The following ACLY variants were observed in gnomAD, a reference collection of about 807,000 sequenced individuals.
The protein encoded by ACLY is ATP-citrate synthase.
Under a neutral mutation model 133.0 loss-of-function variants are expected in ACLY, and 41 were observed. The observed-to-expected ratio is 0.31, with a 90% CI of 0.24 to 0.40. The LOEUF (loss-of-function observed/expected upper bound fraction) is 0.40. Ranked by LOEUF, ACLY falls within the 10% of genes least tolerant of loss-of-function variation. The probability of loss-of-function intolerance (pLI) is 1.00; values close to 1 mark genes in which losing one functional copy is unlikely to be tolerated. For missense variants in ACLY, 1,046 were observed against 1,453.8 expected (o/e 0.72, Z 4.56); for synonymous variants, 495 against 549.3 (o/e 0.90, Z 1.38).
intron 4 of ACLY, among the ~76,000 whole-genome samples, chr17:41,909,961 G>A (rs1040756605): frequency 9.2e-5 from 14 of 152,098 alleles, no homozygotes; most frequent in African/African-American, 3.4e-4. Context: ...TGAGGGGTGG[G>A]GCCTGCCTGC....
chr17:41,886,388 T>C (rs1274648880), intron 17 of ACLY, 80 bp from the exon 18 acceptor site: 2 of 1,394,694 alleles, frequency 1.4e-6, no homozygotes, highest in Non-Finnish European at 2.0e-6. Flanking sequence ...CCTGCATTAC[T>C]GCCCAGCCCC....
chr17:41,881,889 C>T (rs1023483739), intron 20 of ACLY, among the ~76,000 whole-genome samples: 7 of 152,224 alleles, frequency 4.6e-5, no homozygotes, highest in Admixed American at 2.0e-4. Flanking sequence ...AACCCACATA[C>T]ACACACACTT....
Position 41,905,503 on chromosome 17 carries a change from G to A in ACLY, c.1003+19C>T. Reference sequence around the variant, plus strand: ...CCTGGGGAAGTGGGGACAGGTATGTGTGTGTGCAAGTATCTCACCATCTGG... The same window carrying A: ...CCTGGGGAAGTGGGGACAGGTATGTATGTGTGCAAGTATCTCACCATCTGG... On this transcript the variant is annotated intron_variant, in intron 9 of 28. Transcript: ENST00000352035. The A allele has an allele frequency of 1.9e-6, 3 of 1,614,200 alleles. No individual in the cohort carries two copies. The highest frequency in any genetic ancestry group is 2.5e-6 in the Non-Finnish European group (3 of 1,180,018).
At chr17:41,908,359 T>A (rs974542628) in intron 6 of ACLY, among the ~76,000 whole-genome samples, 2 of 152,140 alleles carry the variant, frequency 1.3e-5, no homozygotes, top group East Asian at 3.9e-4. Context: ...CCTCTGAGTG[T>A]ACCAGGAGGA....
At chr17:41,882,792 C>T (rs1474025051) in intron 20 of ACLY, among the ~76,000 whole-genome samples, 4 of 152,322 alleles carry the variant, frequency 2.6e-5, no homozygotes, top group Non-Finnish European at 5.9e-5. Context: ...CTTTCATCAG[C>T]AAAGCCCTTC....
chr17:41,899,096 G>A (rs542710955), intron 11 of ACLY, among the ~76,000 whole-genome samples: 1 of 152,156 alleles, frequency 6.6e-6, no homozygotes, highest in Admixed American at 6.5e-5. Context: ...CCAACGTGGT[G>A]AAACCCTGTC....
intron 16 of ACLY, among the ~76,000 whole-genome samples, chr17:41,891,817 C>T (rs2049221404): frequency 6.6e-6 from 1 of 152,182 alleles, no homozygotes; most frequent in Non-Finnish European, 1.5e-5. Context: ...CCTGCCTCAG[C>T]TTCCTGAGTA....
intron 1 of ACLY, among the ~76,000 whole-genome samples, chr17:41,915,860 G>C (rs560998019): frequency 1.2e-3 from 180 of 152,244 alleles, no homozygotes; most frequent in Non-Finnish European, 2.3e-3. Context: ...CAGAGAGGAG[G>C]GGGCAGTGGC....
rs1242927695 is a variant in ACLY, at chr17:41,881,402, G to A, written c.2265+1720C>T. On this transcript the variant is annotated intron_variant, in intron 20 of 28. Transcript: ENST00000352035. ...CGCACCACTGCACTCCAGCCTAGGC[G>A]AGAGACTCCGTCTCAAAAAAAAAAA... Among the ~76,000 whole-genome samples the A allele has an allele frequency of 4.0e-5, 5 of 126,024 alleles. No individual in the cohort carries two copies. In the East Asian group the frequency reaches 1.2e-3, roughly 31 times the overall value. The allele number at this position is 126,024 out of a possible 152,430, so 82.7% of individuals were successfully genotyped here.
At chr17:41,868,453 A>AAC (rs10668805) in intron 28 of ACLY, among the ~76,000 whole-genome samples, 1 of 150,378 alleles carries the variant, frequency 6.6e-6, no homozygotes, top group South Asian at 2.1e-4. Flanking sequence ...AAAAAAAAAA[A>AAC]TTTTCCTGGG....
chr17:41,904,676 T>G, intron 10 of ACLY, 53 bp downstream of exon 10: 2 of 1,565,080 alleles, frequency 1.3e-6, no homozygotes, highest in East Asian at 4.5e-5. Flanking sequence ...GCCCCTTCCC[T>G]GCTTTCCCCA....
intron 11 of ACLY, among the ~76,000 whole-genome samples, chr17:41,899,921 T>C (rs1555631205): frequency 6.6e-6 from 1 of 151,034 alleles, no homozygotes; most frequent in African/African-American, 2.4e-5. Context: ...GTACAAAAAT[T>C]GTGTATTTAT....
At chr17:41,916,413 G>A (rs1318127181) in intron 1 of ACLY, among the ~76,000 whole-genome samples, 2 of 150,006 alleles carry the variant, frequency 1.3e-5, no homozygotes, top group African/African-American at 4.9e-5. Context: ...TGGCTCTGTC[G>A]CCCAGGCTGG....
intron 21 of ACLY, among the ~76,000 whole-genome samples, chr17:41,878,534 C>G (rs2048821331): frequency 6.6e-6 from 1 of 152,082 alleles, no homozygotes; most frequent in African/African-American, 2.4e-5. Flanking sequence ...GTGGCGCTCT[C>G]ATCTATGGCT....
chr17:41,884,395 T>A, intron 18 of ACLY, 121 bp from the exon 19 acceptor site: 1 of 682,116 alleles, frequency 1.5e-6, no homozygotes, highest in Non-Finnish European at 2.7e-6. Flanking sequence ...GGATGGCCAG[T>A]AAGGGTCCAG....
chr17:41,904,810 G>C lies in ACLY; in HGVS notation c.1004-20C>G. On this transcript the variant is annotated intron_variant, in intron 9 of 28. Transcript: ENST00000352035. ...TCTTGCCTGGATTTGGAGTAAGAGA[G>C]AATCAAAAACAGTTACATAGGTAGA... 1 of 1,610,696 alleles carries C rather than the reference G, an allele frequency of 6.2e-7. No homozygotes were observed. Among genetic ancestry groups the C allele is most frequent in the African/African-American group, 1.3e-5 (1 of 74,940 alleles).
chr17:41,883,151 C>T lies in ACLY; in HGVS notation c.2236G>A (p.Gly746Arg). Reference protein sequence around the residue: ...LTKPIVCWCIGTCATMFSSEV... With the variant: ...LTKPIVCWCIRTCATMFSSEV... Reference sequence around the variant, plus strand: ...GAGGAGAACATGGTGGCACACGTCCCGATGCACCAGCAGACGATGGGCTTA... The same window carrying T: ...GAGGAGAACATGGTGGCACACGTCCTGATGCACCAGCAGACGATGGGCTTA... The change falls in exon 20 of 29, where the codon GGG becomes AGG. Residue 746 changes from glycine (G) to arginine (R), a missense_variant. By Grantham distance (125) the Gly-to-Arg change is moderately radical. Coordinates refer to ENST00000352035, the MANE Select transcript of ACLY (RefSeq NM_001096.3). The T allele has an allele frequency of 2.5e-6, 4 of 1,613,986 alleles. No individual in the cohort carries two copies. The highest frequency in any genetic ancestry group is 3.4e-6 in the Non-Finnish European group (4 of 1,180,010).
At position 41,904,718 on chromosome 17, in the gene ACLY, G is replaced by C; in HGVS notation, c.1065+11C>G. ...TTTCCCCAGAAACTGCACCACTGTT[G>C]CAACTGTTACCTTGAACGTGGCAGC... On this transcript the variant is annotated intron_variant, in intron 10 of 28. Coordinates refer to ENST00000352035, the MANE Select transcript of ACLY (RefSeq NM_001096.3). 1.2e-6 allele frequency: 2 copies of C among 1,612,938 alleles called. No homozygotes were observed. Among genetic ancestry groups the C allele is most frequent in the Non-Finnish European group, 1.7e-6 (2 of 1,178,970 alleles).
intron 1 of ACLY, 140 bp from the exon 2 acceptor site, chr17:41,914,036 T>C: frequency 1.3e-6 from 1 of 798,350 alleles, no homozygotes; most frequent in Non-Finnish European, 2.0e-6. Flanking sequence ...GAAAAAATGC[T>C]GTCCCAGCGG....
Sources: gnomAD v4.1 joint callset for allele counts (sites outside exome capture counted in the v4.1 genomes callset) on GRCh38, gnomAD v4.1.1 for gene constraint, MANE v1.5 for transcripts, NCBI Gene and HGNC (gene_info 2026-07-23, HGNC 2026-07-21) for gene names.